Variants in INSYN2A observed in about 807,000 individuals in gnomAD.
INSYN2A encodes family with sequence similarity 196 member A.
INSYN2A carries 17 observed loss-of-function variants against 39.4 expected under a neutral mutation model. That is an observed-to-expected ratio of 0.43 (90% CI 0.30 to 0.65). The LOEUF is 0.65. INSYN2A is among the 30% of genes least tolerant of loss of function. The pLI is 0.14. For synonymous variants in INSYN2A, 255 were observed against 265.7 expected, an observed-to-expected ratio of 0.96 and a Z score of 0.39; for missense variants, 595 against 631.2, an observed-to-expected ratio of 0.94 and a Z score of 0.61.
intron 4 of INSYN2A, among the ~76,000 whole-genome samples, chr10:127,168,373 C>G (rs1316395108): frequency 6.6e-6 from 1 of 152,324 alleles, no homozygotes; most frequent in African/African-American, 2.4e-5. Flanking sequence ...AGTGCTAAGG[C>G]ACAGGAGAGC....
At chr10:127,159,663 T>C (rs1159647797) in intron 4 of INSYN2A, among the ~76,000 whole-genome samples, 2 of 152,052 alleles carry the variant, frequency 1.3e-5, no homozygotes, top group African/African-American at 2.4e-5. Context: ...CAATTTGGGG[T>C]ATACGTGTTT....
At chr10:127,181,751 C>A (rs1183318083) in intron 2 of INSYN2A, among the ~76,000 whole-genome samples, 1 of 152,216 alleles carries the variant, frequency 6.6e-6, no homozygotes, top group Admixed American at 6.5e-5. Flanking sequence ...CGGCTTCCAC[C>A]GGAAGGGGAG....
intron 2 of INSYN2A, among the ~76,000 whole-genome samples, chr10:127,185,821 C>T (rs960750897): frequency 6.6e-6 from 1 of 152,138 alleles, no homozygotes; most frequent in Non-Finnish European, 1.5e-5. Context: ...GGAGATGGCA[C>T]ACACACTCAC....
chr10:127,186,515 G>T (rs58421021), intron 2 of INSYN2A, among the ~76,000 whole-genome samples: 1 of 12,586 alleles, frequency 7.9e-5, no homozygotes, highest in African/African-American at 1.5e-4. Flanking sequence ...CCGCCCCCCC[G>T]CCCCCCCCCG....
Position 127,137,790 on chromosome 10 carries a change from T to C in INSYN2A, c.*47A>G. Reference sequence around the variant, plus strand: ...ATTTTGGAAAAGTATTGACTTAAACTCCAGTGGGTTCTAAAGACGGCCTCG... The same window carrying C: ...ATTTTGGAAAAGTATTGACTTAAACCCCAGTGGGTTCTAAAGACGGCCTCG... On this transcript the variant is annotated 3_prime_UTR_variant, in exon 6 of 6. Coordinates refer to ENST00000522781, the MANE Select transcript of INSYN2A (RefSeq NM_001039762.3). The C allele has an allele frequency of 6.5e-7, 1 of 1,540,496 alleles. No individual in the cohort carries two copies. The highest frequency in any genetic ancestry group is 8.8e-7 in the Non-Finnish European group (1 of 1,135,420).
intron 5 of INSYN2A, chr10:127,145,810 A>G (rs906421753): frequency 4.0e-5 from 13 of 323,754 alleles, no homozygotes; most frequent in African/African-American, 2.9e-4. Flanking sequence ...CATCATCTCC[A>G]CTAAACGTAG....
At chr10:127,153,819 T>A in intron 5 of INSYN2A, 33 bp downstream of exon 5, 2 of 1,513,392 alleles carry the variant, frequency 1.3e-6, no homozygotes, top group Non-Finnish European at 1.8e-6. Flanking sequence ...TCACTCATAA[T>A]AAGAAAGTGG....
At chr10:127,154,600 C>T (rs1473393093) in intron 4 of INSYN2A, among the ~76,000 whole-genome samples, 1 of 152,172 alleles carries the variant, frequency 6.6e-6, no homozygotes, top group African/African-American at 2.4e-5. Flanking sequence ...CTCTCTGGCT[C>T]TTTAGAGAAG....
chr10:127,149,611 A>G (rs1425360144), intron 5 of INSYN2A, among the ~76,000 whole-genome samples: 1 of 152,116 alleles, frequency 6.6e-6, no homozygotes, highest in Admixed American at 6.6e-5. Flanking sequence ...GGAGAGGGTA[A>G]TTGGGTTTCG....
intron 2 of INSYN2A, among the ~76,000 whole-genome samples, chr10:127,190,847 C>T (rs151028543): frequency 1.4e-3 from 217 of 152,094 alleles, no homozygotes; most frequent in African/African-American, 4.8e-3. Context: ...CCCAGTGCTA[C>T]TGAGACTGGC....
intron 1 of INSYN2A, among the ~76,000 whole-genome samples, chr10:127,195,534 A>G: frequency 7.1e-6 from 1 of 140,658 alleles, no homozygotes; most frequent in Non-Finnish European, 1.6e-5. Flanking sequence ...CCCCCCCCCG[A>G]AGTTAATCAG....
At chr10:127,147,701 G>A (rs1030338554) in intron 5 of INSYN2A, among the ~76,000 whole-genome samples, 3 of 152,058 alleles carry the variant, frequency 2.0e-5, no homozygotes, top group African/African-American at 7.2e-5. Flanking sequence ...CAAATGGAAA[G>A]GGCTAAGGCA....
At chr10:127,187,345 A>C (rs765742145) in intron 2 of INSYN2A, among the ~76,000 whole-genome samples, 1 of 152,218 alleles carries the variant, frequency 6.6e-6, no homozygotes, top group African/African-American at 2.4e-5. Context: ...CATCGTAGTG[A>C]GTAAGCAGTA....
chr10:127,173,391 C>T (rs562647004), intron 4 of INSYN2A, among the ~76,000 whole-genome samples: 252 of 152,314 alleles, frequency 1.7e-3, no homozygotes, highest in African/African-American at 5.5e-3. Context: ...GATGGCATCT[C>T]AGAGAACCCT....
At chr10:127,180,615 C>T (rs2055633962) in intron 2 of INSYN2A, among the ~76,000 whole-genome samples, 3 of 152,088 alleles carry the variant, frequency 2.0e-5, no homozygotes, top group Non-Finnish European at 4.4e-5. Context: ...AGATTAGTGA[C>T]GGAGAACCAT....
intron 4 of INSYN2A, among the ~76,000 whole-genome samples, chr10:127,160,654 A>G (rs538373370): frequency 3.4e-4 from 52 of 152,338 alleles, no homozygotes; most frequent in African/African-American, 1.0e-3. Context: ...GGGTATGGCA[A>G]TTGTCACACT....
rs2489384 is a variant in INSYN2A at position 127,176,452 on chromosome 10, A to C, written c.-5-52T>G. On this transcript the variant is annotated intron_variant, in intron 3 of 5. Transcript: ENST00000522781. The surrounding 1 kb of genome is among the most constrained non-coding windows in gnomAD (Gnocchi z 4.4). ...GTCAGTGGGACAGAAATACACACTCAAGCACCGGCCGCACAAACTTTTAGC... is the reference window on the plus strand; with the variant it reads ...GTCAGTGGGACAGAAATACACACTCCAGCACCGGCCGCACAAACTTTTAGC... 0.02 allele frequency: 29,131 copies of C among 1,457,420 alleles called. 356 individuals carry two copies. Among genetic ancestry groups the C allele is most frequent in the Non-Finnish European group, 0.024 (25,746 of 1,080,078 alleles). 90.3% of individuals were successfully genotyped at this position (1,457,420 alleles called of 1,614,324 possible). A position where few individuals can be genotyped will look rare whatever the true frequency, so the allele number is the denominator to read the frequency against.
rs184791151 is a variant in INSYN2A, at chr10:127,140,585, A to C, written c.1257-2565T>G. Among the ~76,000 whole-genome samples the C allele has an allele frequency of 1.3e-3, 200 of 152,256 alleles. 3 individuals are homozygous for C. Among genetic ancestry groups the C allele is most frequent in the Admixed American group, 0.013 (196 of 15,284 alleles). On this transcript the variant is annotated intron_variant, in intron 5 of 5. Coordinates refer to ENST00000522781, the MANE Select transcript of INSYN2A (RefSeq NM_001039762.3). Reference sequence around the variant, plus strand: ...TTGTTCTGGACACTGCTTCCTGCTCAAGGACTTTTCTTGGGGAAGCACACC... The same window carrying C: ...TTGTTCTGGACACTGCTTCCTGCTCCAGGACTTTTCTTGGGGAAGCACACC...
intron 2 of INSYN2A, among the ~76,000 whole-genome samples, chr10:127,177,597 G>A (rs1367375080): frequency 6.6e-6 from 1 of 152,210 alleles, no homozygotes; most frequent in Non-Finnish European, 1.5e-5. Context: ...CAAGGTCATG[G>A]ACATGGGCCC....
Sources: gnomAD v4.1 joint callset for allele counts (sites outside exome capture counted in the v4.1 genomes callset) on GRCh38, gnomAD v4.1.1 for gene constraint, Gnocchi (gnomAD v3.1) non-coding constraint, MANE v1.5 for transcripts, NCBI Gene and HGNC (gene_info 2026-07-23, HGNC 2026-07-21) for gene names.